The following RCAN2 variants were observed in gnomAD, a reference collection of about 807,000 sequenced individuals.
The protein encoded by RCAN2 is regulator of calcineurin 2.
In RCAN2, 9 loss-of-function variants were observed where a neutral mutation model predicts 23.6. The observed-to-expected ratio is 0.38, with a 90% CI of 0.23 to 0.67. The LOEUF (loss-of-function observed/expected upper bound fraction) is 0.67, where lower values mean the gene tolerates loss of function less well. Ranked by LOEUF, RCAN2 falls within the 30% of genes least tolerant of loss-of-function variation. The pLI, the probability that RCAN2 is intolerant of heterozygous loss-of-function variation, is 0.51. For synonymous variants in RCAN2, 109 were observed against 115.7 expected (o/e 0.94, Z 0.37); for missense variants, 273 against 302.3 (o/e 0.90, Z 0.72).
intron 2 of RCAN2, among the ~76,000 whole-genome samples, chr6:46,269,634 G>A (rs1693802719): frequency 6.6e-6 from 1 of 152,198 alleles, no homozygotes; most frequent in Non-Finnish European, 1.5e-5. Flanking sequence ...ACGGCTGGAG[G>A]AGTGCCAGCT....
chr6:46,306,224 G>C (rs754677143), intron 2 of RCAN2, among the ~76,000 whole-genome samples: 2 of 152,100 alleles, frequency 1.3e-5, no homozygotes, highest in Non-Finnish European at 2.9e-5. Context: ...CAAACGATGA[G>C]AGTTGTCAAC....
intron 4 of RCAN2, among the ~76,000 whole-genome samples, chr6:46,242,868 C>T (rs1292620853): frequency 6.6e-6 from 1 of 152,194 alleles, no homozygotes; most frequent in Non-Finnish European, 1.5e-5. Flanking sequence ...CTGGTCTATT[C>T]CTTCGTTCAT....
intron 2 of RCAN2, among the ~76,000 whole-genome samples, chr6:46,450,257 C>T (rs1447433768): frequency 6.6e-6 from 1 of 151,930 alleles, no homozygotes; most frequent in South Asian, 2.1e-4. Context: ...TGAAATATCA[C>T]CTCACACCTG....
At chr6:46,296,099 G>GTGTC (rs1561847214) in intron 2 of RCAN2, among the ~76,000 whole-genome samples, 1 of 150,102 alleles carries the variant, frequency 6.7e-6, no homozygotes, top group African/African-American at 2.5e-5. Flanking sequence ...GTGTGTGTGT[G>GTGTC]TGTGTCTGTG....
chr6:46,406,889 A>G (rs1037342620), intron 2 of RCAN2, among the ~76,000 whole-genome samples: 1 of 152,230 alleles, frequency 6.6e-6, no homozygotes, highest in African/African-American at 2.4e-5. Context: ...AAAAATTACA[A>G]TATTTCAGTA....
chr6:46,391,977 T>C (rs975019651), intron 2 of RCAN2, among the ~76,000 whole-genome samples: 2 of 152,168 alleles, frequency 1.3e-5, no homozygotes, highest in African/African-American at 4.8e-5. Flanking sequence ...AAAATCAGGA[T>C]GAGCTGTAGA....
intron 2 of RCAN2, among the ~76,000 whole-genome samples, chr6:46,389,110 CG>C (rs1765854962): frequency 6.6e-6 from 1 of 151,956 alleles, no homozygotes; most frequent in African/African-American, 2.4e-5. Context: ...GCAGGTCAGA[CG>C]AATACTATCC....
At chr6:46,256,975 A>G (rs564141372) in intron 2 of RCAN2, among the ~76,000 whole-genome samples, 3 of 152,194 alleles carry the variant, frequency 2.0e-5, no homozygotes, top group Non-Finnish European at 4.4e-5. Context: ...TGGAATAAAG[A>G]TGGGCCTGAT....
chr6:46,425,691 AGTTATAATTTAT>A (rs1329585960), intron 2 of RCAN2, among the ~76,000 whole-genome samples: 1 of 152,144 alleles, frequency 6.6e-6, no homozygotes, highest in Non-Finnish European at 1.5e-5. Flanking sequence ...TAGTTCCTTG[AGTTATAATTTAT>A]GTGCCTACTT....
intron 2 of RCAN2, among the ~76,000 whole-genome samples, chr6:46,419,067 T>C (rs1191194754): frequency 6.6e-6 from 1 of 152,142 alleles, no homozygotes; most frequent in Non-Finnish European, 1.5e-5. Context: ...CAATCTGTGC[T>C]CTTCAGGCCG....
intron 2 of RCAN2, among the ~76,000 whole-genome samples, chr6:46,263,507 G>A (rs1198213729): frequency 2.0e-5 from 2 of 99,598 alleles, no homozygotes; most frequent in African/African-American, 4.0e-5. Context: ...GTGTGTATGT[G>A]TGTGTATGTG....
intron 1 of RCAN2, among the ~76,000 whole-genome samples, chr6:46,457,804 T>C (rs1253447872): frequency 1.3e-5 from 2 of 152,226 alleles, no homozygotes; most frequent in Non-Finnish European, 2.9e-5. Context: ...CTCCTTGCCT[T>C]GTAAGGCTTT....
At chr6:46,397,210 C>A (rs1766115852) in intron 2 of RCAN2, among the ~76,000 whole-genome samples, 2 of 152,028 alleles carry the variant, frequency 1.3e-5, no homozygotes, top group South Asian at 4.1e-4. Context: ...CCAAAATGGG[C>A]AAAATATAGA....
chr6:46,250,105 G>T (rs921570427), intron 2 of RCAN2, among the ~76,000 whole-genome samples: 3 of 152,106 alleles, frequency 2.0e-5, no homozygotes, highest in Non-Finnish European at 4.4e-5. Context: ...ACTTTAAGAG[G>T]ATACAGAGAT....
In RCAN2 at chr6:46,313,624, G is replaced by C. The variant is rs533869357; in HGVS notation, c.226-64728C>G. 1.2e-4 allele frequency among the ~76,000 whole-genome samples: 19 copies of C among 152,296 alleles called. 3 individuals are homozygous for C. In the South Asian group the frequency reaches 3.9e-3, roughly 32 times the overall value. On this transcript the variant is annotated intron_variant, in intron 2 of 4. Coordinates refer to ENST00000371374, the MANE Select transcript of RCAN2 (RefSeq NM_001251974.2). ...ATACCTTTATAACAAATGGCTTCTT[G>C]GTTCCAACTTCAAGAACTATACAAT... is the stretch of plus-strand genomic sequence containing the variant.
At position 46,235,031 on chromosome 6, in the gene RCAN2, G is replaced by A. The variant is rs114215689; in HGVS notation, c.571+11717C>T. ...TGTGTTGGTGGCTGGCAGTCCAAGT[G>A]CCACTGAGTTTCTCTCTCATGCCAC... On this transcript the variant is annotated intron_variant, in intron 4 of 4. Coordinates refer to ENST00000371374, the MANE Select transcript of RCAN2 (RefSeq NM_001251974.2). Among the ~76,000 whole-genome samples, 661 of 152,302 alleles carry A rather than the reference G, an allele frequency of 4.3e-3. 3 individuals carry two copies. Among genetic ancestry groups the A allele is most frequent in the Non-Finnish European group, 6.9e-3 (468 of 68,032 alleles).
At chr6:46,294,411 A>C (rs1004122302) in intron 2 of RCAN2, among the ~76,000 whole-genome samples, 1 of 152,148 alleles carries the variant, frequency 6.6e-6, no homozygotes. Context: ...AAAGTATATC[A>C]AAAAATTCAA....
Position 46,246,899 on chromosome 6 carries a change from A to T in RCAN2, c.420T>A (p.Asp140Glu). 1 of 1,591,206 alleles carries T rather than the reference A, an allele frequency of 6.3e-7. No homozygotes were observed. The highest frequency in any genetic ancestry group is 8.6e-7 in the Non-Finnish European group (1 of 1,166,964). ...YFAQVQTPETDGDKLHLAPPQ... is the reference protein window; with the variant it reads ...YFAQVQTPETEGDKLHLAPPQ... Reference sequence around the variant, plus strand: ...GTGGAGCCAAGTGCAGTTTGTCTCCATCTGTCTCTGGAGTCTGAACCTTTC... The same window carrying T: ...GTGGAGCCAAGTGCAGTTTGTCTCCTTCTGTCTCTGGAGTCTGAACCTTTC... Residue 140 changes from aspartate (D) to glutamate (E), a missense_variant, in exon 4 of 5, where the codon GAT (aspartate) becomes GAA (glutamate). Coordinates refer to ENST00000371374, the MANE Select transcript of RCAN2 (RefSeq NM_001251974.2).
At chr6:46,332,043 C>A (rs1319485091) in intron 2 of RCAN2, among the ~76,000 whole-genome samples, 2 of 152,166 alleles carry the variant, frequency 1.3e-5, no homozygotes, top group East Asian at 1.9e-4. Flanking sequence ...AAAGCATATA[C>A]AAATTATGTC....
Sources: gnomAD v4.1 joint callset for allele counts (sites outside exome capture counted in the v4.1 genomes callset) on GRCh38, gnomAD v4.1.1 for gene constraint, MANE v1.5 for transcripts, NCBI Gene and HGNC (gene_info 2026-07-23, HGNC 2026-07-21) for gene names.